The following ATP11B variants were observed in gnomAD, a reference collection of about 807,000 sequenced individuals.
ATP11B encodes ATPase phospholipid transporting 11B (putative), also known as phospholipid-transporting ATPase IF.
ATP11B carries 81 observed loss-of-function variants against 157.8 expected under a neutral mutation model. That is an observed-to-expected ratio of 0.51 (90% CI 0.43 to 0.62). The LOEUF (loss-of-function observed/expected upper bound fraction) is 0.62. Among genes scored for constraint, ATP11B ranks in the 20% least tolerant of loss-of-function variants. The pLI, the probability that ATP11B is intolerant of heterozygous loss-of-function variation, is 0.00. For synonymous variants in ATP11B, 451 were observed against 469.4 expected (o/e 0.96, Z 0.51); for missense variants, 1,165 against 1,402.2 (o/e 0.83, Z 2.70).
chr3:182,845,010 T>A (rs867697610), intron 8 of ATP11B, among the ~76,000 whole-genome samples: 2,528 of 68,208 alleles, frequency 0.037, 75 homozygotes, highest in African/African-American at 0.097. Flanking sequence ...TTTTTTATTT[T>A]TTTTTATTTT....
At chr3:182,875,432 T>C (rs1560105804) in intron 19 of ATP11B, among the ~76,000 whole-genome samples, 1 of 152,064 alleles carries the variant, frequency 6.6e-6, no homozygotes, top group Non-Finnish European at 1.5e-5. Context: ...TGTTGTTGTT[T>C]TGTTGTTGTT....
At chr3:182,834,193 T>G (rs1211552505) in intron 4 of ATP11B, among the ~76,000 whole-genome samples, 2 of 152,210 alleles carry the variant, frequency 1.3e-5, no homozygotes, top group Non-Finnish European at 2.9e-5. Context: ...GACTTTCAAT[T>G]AAATTTCTCT....
chr3:182,806,862 C>T (rs939430758), intron 1 of ATP11B, among the ~76,000 whole-genome samples: 3 of 152,076 alleles, frequency 2.0e-5, no homozygotes, highest in Admixed American at 6.6e-5. Context: ...CACAATACTA[C>T]TAATTGAACC....
At chr3:182,910,442 C>T (rs957914713) in intron 28 of ATP11B, among the ~76,000 whole-genome samples, 11 of 152,050 alleles carry the variant, frequency 7.2e-5, no homozygotes, top group Middle Eastern at 3.4e-3. Context: ...GACATGATGA[C>T]GCACACCTGT....
rs545482409 is a variant in ATP11B at position 182,895,293 on chromosome 3, A to G, written c.2983-1407A>G. ...AAGCACAGGTTCAGTATGACTTTTG[A>G]TTCTCCTCTTGACAAATACATTCCC... On this transcript the variant is annotated intron_variant, in intron 25 of 29. Coordinates refer to ENST00000323116, the MANE Select transcript of ATP11B (RefSeq NM_014616.3). Among the ~76,000 whole-genome samples, 10 of 152,162 alleles carry G rather than the reference A, an allele frequency of 6.6e-5. No individual in the cohort carries two copies. The South Asian group carries it at 2.1e-3, about 32-fold the overall frequency.
At chr3:182,795,963 A>T (rs1282801851) in intron 1 of ATP11B, among the ~76,000 whole-genome samples, 2 of 152,224 alleles carry the variant, frequency 1.3e-5, no homozygotes, top group Admixed American at 6.5e-5. Flanking sequence ...GACAGGTTGG[A>T]GTTATAAGCA....
intron 24 of ATP11B, among the ~76,000 whole-genome samples, chr3:182,888,699 TTTTA>T (rs557212368): frequency 3.3e-4 from 50 of 151,108 alleles, no homozygotes; most frequent in Non-Finnish European, 4.0e-4. Flanking sequence ...TTTTTAAACT[TTTTA>T]TTTATTTATT....
intron 15 of ATP11B, among the ~76,000 whole-genome samples, chr3:182,868,118 C>A (rs1721383172): frequency 6.6e-6 from 1 of 151,842 alleles, no homozygotes; most frequent in Non-Finnish European, 1.5e-5. Context: ...TTTTTAGATG[C>A]TTCTGGGTAG....
At chr3:182,881,995 A>G (rs1577070205) in intron 21 of ATP11B, among the ~76,000 whole-genome samples, 2 of 152,282 alleles carry the variant, frequency 1.3e-5, no homozygotes, top group East Asian at 3.9e-4. Flanking sequence ...ATGTCATTTC[A>G]TTATATTGAA....
chr3:182,817,418 C>G (rs1300458220), intron 1 of ATP11B, among the ~76,000 whole-genome samples: 1 of 152,012 alleles, frequency 6.6e-6, no homozygotes, highest in Non-Finnish European at 1.5e-5. Context: ...ATAGCTGGGA[C>G]TACAGGTGTG....
chr3:182,863,116 CCG>C (rs1286731869), intron 12 of ATP11B, among the ~76,000 whole-genome samples: 5 of 151,870 alleles, frequency 3.3e-5, no homozygotes, highest in African/African-American at 1.2e-4. Context: ...TGGGGTTTCA[CCG>C]TGGTCTCGAT....
chr3:182,850,982 T>C (rs890157087), intron 10 of ATP11B, among the ~76,000 whole-genome samples: 2 of 152,228 alleles, frequency 1.3e-5, no homozygotes, highest in Non-Finnish European at 2.9e-5. Flanking sequence ...AAGATCATTA[T>C]GTTAAGTGAT....
intron 1 of ATP11B, among the ~76,000 whole-genome samples, chr3:182,794,206 G>T (rs1715448974): frequency 6.6e-6 from 1 of 152,188 alleles, no homozygotes; most frequent in Admixed American, 6.5e-5. Flanking sequence ...AATTTGGGAC[G>T]TGTTTGGGTG....
chr3:182,832,635 A>G (rs1718239239), intron 4 of ATP11B, among the ~76,000 whole-genome samples: 1 of 152,088 alleles, frequency 6.6e-6, no homozygotes, highest in African/African-American at 2.4e-5. Flanking sequence ...TCCATTATCA[A>G]TTACTTACAC....
chr3:182,847,499 A>G (rs1055664722), intron 9 of ATP11B, among the ~76,000 whole-genome samples: 10 of 152,078 alleles, frequency 6.6e-5, no homozygotes, highest in African/African-American at 1.9e-4. Flanking sequence ...ACCTCTCCCT[A>G]TTGGATCATT....
intron 7 of ATP11B, 77 bp from the exon 8 acceptor site, chr3:182,841,996 AAC>A: frequency 3.6e-5 from 33 of 929,058 alleles, no homozygotes; most frequent in Middle Eastern, 3.3e-4. Context: ...AAAAAAAAAA[AAC>A]AAAGGATGGT....
At chr3:182,914,360 T>G (rs1362930559) in intron 29 of ATP11B, 1 of 981,652 alleles carries the variant, frequency 1.0e-6, no homozygotes, top group African/African-American at 1.7e-5. Context: ...TTTAAAATTT[T>G]TTTGCTTTTT....
chr3:182,820,336 C>T lies in ATP11B; in HGVS notation c.104C>T (p.Thr35Ile). Residue 35 changes from threonine (T) to isoleucine (I), a missense_variant, in exon 2 of 30, where the codon ACA becomes ATA. Coordinates refer to ENST00000323116, the MANE Select transcript of ATP11B (RefSeq NM_014616.3). ...AGGTTTCCTCAGAATGGCCTTTACACACCTCAGAAATTTATAGATAACAGG... is the reference window on the plus strand; with the variant it reads ...AGGTTTCCTCAGAATGGCCTTTACATACCTCAGAAATTTATAGATAACAGG... ...ANRFPQNGLYTPQKFIDNRII... is the reference protein window; with the variant it reads ...ANRFPQNGLYIPQKFIDNRII... 1 of 1,612,852 alleles carries T rather than the reference C, an allele frequency of 6.2e-7. No homozygotes were observed. The highest frequency in any genetic ancestry group is 8.5e-7 in the Non-Finnish European group (1 of 1,178,808).
intron 3 of ATP11B, among the ~76,000 whole-genome samples, chr3:182,829,457 G>T (rs1208033862): frequency 6.6e-6 from 1 of 152,138 alleles, no homozygotes; most frequent in Non-Finnish European, 1.5e-5. Context: ...GAAGAACTTT[G>T]TGTTTAAACA....
Sources: gnomAD v4.1 joint callset for allele counts (sites outside exome capture counted in the v4.1 genomes callset) on GRCh38, gnomAD v4.1.1 for gene constraint, MANE v1.5 for transcripts, NCBI Gene and HGNC (gene_info 2026-07-23, HGNC 2026-07-21) for gene names.